Variants in NADK observed in about 807,000 individuals in gnomAD.
The protein encoded by NADK is poly(P)/ATP NAD kinase.
A neutral mutation model predicts 49.8 loss-of-function variants in NADK; 22 were observed. The ratio of observed to expected loss-of-function variants is 0.44; its 90% CI spans 0.32 to 0.63. The LOEUF (loss-of-function observed/expected upper bound fraction) is 0.63. Among genes scored for constraint, NADK ranks in the 30% least tolerant of loss-of-function variants. The pLI is 0.06. For missense variants in NADK, 438 were observed against 609.4 expected (o/e 0.72, Z 2.96); for synonymous variants, 268 against 253.7 (o/e 1.06, Z -0.54).
At position 1,754,915 on chromosome 1, in the gene NADK, A is replaced by G. The variant is rs1366438288; in HGVS notation, c.689-217T>C. On this transcript the variant is annotated intron_variant, in intron 7 of 11. Transcript: ENST00000341426. The surrounding 1 kb of genome is among the most constrained non-coding windows in gnomAD (Gnocchi z 4.3). ...TGGCTCACTGCAACCTCTGCCTCCC[A>G]GGTTCAAGTGATTCTCCTGCCTCAG... is the stretch of plus-strand genomic sequence containing the variant. 5.9e-6 allele frequency: 3 copies of G among 510,100 alleles called. No individual in the cohort carries two copies. The highest frequency in any genetic ancestry group is 3.4e-6 in the Non-Finnish European group (1 of 291,342). The allele number at this position is 510,100 out of a possible 1,614,324, so 31.6% of individuals were successfully genotyped here.
chr1:1,764,291 TCAC>T (rs1012093907), intron 2 of NADK, among the ~76,000 whole-genome samples: 2 of 152,136 alleles, frequency 1.3e-5, no homozygotes, highest in South Asian at 2.1e-4. Flanking sequence ...CACCTAAAAC[TCAC>T]CACATTTACC....
Position 1,757,173 on chromosome 1 carries a change from C to G in NADK, c.393+8G>C. 5 of 1,609,472 alleles carry G rather than the reference C, an allele frequency of 3.1e-6. No homozygotes were observed. Among genetic ancestry groups the G allele is most frequent in the Non-Finnish European group, 4.2e-6 (5 of 1,177,852 alleles). Reference sequence around the variant, plus strand: ...ACCCCAGGCCCCCTTCCCCCCTGCCCCGCGTGCCTCCATGAGGTGCGTGCA... The same window carrying G: ...ACCCCAGGCCCCCTTCCCCCCTGCCGCGCGTGCCTCCATGAGGTGCGTGCA... On this transcript the variant is annotated splice_region_variant and intron_variant, in intron 4 of 11. Transcript: ENST00000341426.
At chr1:1,762,673 C>A (rs1249322798) in intron 2 of NADK, among the ~76,000 whole-genome samples, 1 of 152,170 alleles carries the variant, frequency 6.6e-6, no homozygotes, top group East Asian at 1.9e-4. Context: ...AAGAGAACTG[C>A]TTGAACCCAG....
At chr1:1,762,216 G>A (rs1443549644) in intron 2 of NADK, among the ~76,000 whole-genome samples, 181 bp from the exon 3 acceptor site, 2 of 152,252 alleles carry the variant, frequency 1.3e-5, no homozygotes, top group African/African-American at 4.8e-5. Flanking sequence ...TGGCTGCACT[G>A]GAGCGGCACC....
At position 1,752,754 on chromosome 1, in the gene NADK, G is replaced by T; in HGVS notation, c.*150C>A. On this transcript the variant is annotated 3_prime_UTR_variant, in exon 12 of 12. Coordinates refer to ENST00000341426, the MANE Select transcript of NADK (RefSeq NM_023018.5). ...ACATTTTAAAAAAACAGCTGATCTG[G>T]ACAAAAGGCAGACCCAGGCTCTAAC... 1.1e-6 allele frequency: 1 copy of T among 909,578 alleles called. No individual in the cohort carries two copies. Among genetic ancestry groups the T allele is most frequent in the Non-Finnish European group, 1.7e-6 (1 of 601,428 alleles). 56.3% of individuals were successfully genotyped at this position (909,578 alleles called of 1,614,324 possible). A position where few individuals can be genotyped will look rare whatever the true frequency, so the allele number is the denominator to read the frequency against.
At chr1:1,769,845 G>A (rs181365817) in intron 1 of NADK, among the ~76,000 whole-genome samples, 3 of 152,230 alleles carry the variant, frequency 2.0e-5, no homozygotes, top group East Asian at 3.9e-4. Flanking sequence ...GGGAAGCCGA[G>A]GTGGGTGGAT....
intron 1 of NADK, among the ~76,000 whole-genome samples, chr1:1,765,834 C>T (rs1645868980): frequency 3.9e-5 from 6 of 152,124 alleles, no homozygotes; most frequent in Admixed American, 3.9e-4. Context: ...CGCTTGAACC[C>T]AGGAGGTGGA....
At chr1:1,770,787 G>A (rs1376097180) in intron 1 of NADK, among the ~76,000 whole-genome samples, 6 of 151,906 alleles carry the variant, frequency 3.9e-5, no homozygotes, top group East Asian at 1.9e-4. Flanking sequence ...GGTGGCTCAC[G>A]CCTGTAATCC....
chr1:1,757,039 C>T, intron 4 of NADK, 142 bp downstream of exon 4: 1 of 1,284,054 alleles, frequency 7.8e-7, no homozygotes, highest in South Asian at 1.3e-5. Context: ...CCGGCAGATC[C>T]CCACTCAGTC....
intron 1 of NADK, among the ~76,000 whole-genome samples, chr1:1,776,032 T>TC (rs934726003): frequency 2.6e-5 from 4 of 151,862 alleles, no homozygotes; most frequent in Non-Finnish European, 5.9e-5. Context: ...TGACACAGCC[T>TC]CCCCCCAAGT....
intron 1 of NADK, among the ~76,000 whole-genome samples, chr1:1,774,155 G>A (rs997987216): frequency 2.7e-5 from 4 of 150,684 alleles, no homozygotes; most frequent in African/African-American, 9.7e-5. Flanking sequence ...CTATGTATGT[G>A]TGTGTGTGTA....
At chr1:1,759,888 G>A (rs890529649) in intron 3 of NADK, 2 of 1,550,678 alleles carry the variant, frequency 1.3e-6, no homozygotes, top group Non-Finnish European at 1.7e-6. Flanking sequence ...AGATGCGAGT[G>A]ACAAAGGAGT....
chr1:1,751,947 C>T lies in NADK; in HGVS notation c.*957G>A. ...CAGGAGGAGAATCAGCGTGTTGAGT[C>T]CCTCGCTGTGTTAGTGTGAAAAATT... On this transcript the variant is annotated 3_prime_UTR_variant, in exon 12 of 12. Coordinates refer to ENST00000341426, the MANE Select transcript of NADK (RefSeq NM_023018.5). 7.7e-6 allele frequency: 1 copy of T among 130,424 alleles called. No homozygotes were observed. Among genetic ancestry groups the T allele is most frequent in the Non-Finnish European group, 1.7e-5 (1 of 58,798 alleles). 8.1% of individuals were successfully genotyped at this position (130,424 alleles called of 1,614,324 possible).
intron 3 of NADK, among the ~76,000 whole-genome samples, chr1:1,760,090 CAGG>C (rs1645669934): frequency 6.6e-6 from 1 of 152,180 alleles, no homozygotes; most frequent in Non-Finnish European, 1.5e-5. Flanking sequence ...GGCGAGTGGT[CAGG>C]AGTCCACACA....
intron 1 of NADK, among the ~76,000 whole-genome samples, chr1:1,767,507 G>C (rs994331949): frequency 2.0e-5 from 3 of 152,146 alleles, no homozygotes; most frequent in African/African-American, 7.2e-5. Context: ...GAACAGAAGA[G>C]GGGCCGTGCA....
chr1:1,753,000 G>A lies in NADK; in HGVS notation c.1245C>T (p.Ser415=), dbSNP rs1010498205. 1.7e-5 allele frequency: 27 copies of A among 1,607,712 alleles called. No individual in the cohort carries two copies. Among genetic ancestry groups the A allele is most frequent in the Middle Eastern group, 1.6e-4 (1 of 6,080 alleles). ...LPSICVRDPV[S]DWFESLAQCL... Reference sequence around the variant, plus strand: ...ACTGGGCGAGGCTCTCAAACCAGTCGCTCACGGGGTCCCGCACACAGATGG... The same window carrying A: ...ACTGGGCGAGGCTCTCAAACCAGTCACTCACGGGGTCCCGCACACAGATGG... Residue 415 remains serine, a synonymous_variant, in exon 12 of 12, where the codon AGC becomes AGT. Coordinates refer to ENST00000341426, the MANE Select transcript of NADK (RefSeq NM_023018.5).
In NADK at chr1:1,765,181, T is replaced by C. The variant is rs188820597; in HGVS notation, c.179+47A>G. On this transcript the variant is annotated intron_variant, in intron 2 of 11. Transcript: ENST00000341426. ...ATAATCGTTTTAAGAAAGAATATTA[T>C]GAAATCAGACGAGAAAAAAAAGAGG... 8 of 1,495,702 alleles carry C rather than the reference T, an allele frequency of 5.3e-6. No homozygotes were observed. In the East Asian group the frequency reaches 7.2e-5, roughly 13 times the overall value. The allele number at this position is 1,495,702 out of a possible 1,614,324, so 92.7% of individuals were successfully genotyped here. A position where few individuals can be genotyped will look rare whatever the true frequency, so the allele number is the denominator to read the frequency against.
At chr1:1,774,904 A>G (rs1370274851) in intron 1 of NADK, among the ~76,000 whole-genome samples, 1 of 151,910 alleles carries the variant, frequency 6.6e-6, no homozygotes, top group African/African-American at 2.4e-5. Flanking sequence ...TCAGGAGTTC[A>G]ACACCAGCCT....
intron 2 of NADK, among the ~76,000 whole-genome samples, chr1:1,764,772 A>G (rs1645833111): frequency 6.6e-6 from 1 of 152,180 alleles, no homozygotes; most frequent in South Asian, 2.1e-4. Context: ...ATGGTGGTGC[A>G]CGCCTGTAAT....
Sources: allele counts gnomAD v4.1 joint callset (sites outside exome capture counted in the v4.1 genomes callset), GRCh38; gene constraint gnomAD v4.1.1; non-coding constraint Gnocchi (gnomAD v3.1); transcripts MANE v1.5; gene names NCBI Gene and HGNC (gene_info 2026-07-23, HGNC 2026-07-21).